MLXIPL: variants seen among roughly 807,000 people sequenced by gnomAD.
The protein encoded by MLXIPL is MLX interacting protein like, also known as carbohydrate-responsive element-binding protein.
MLXIPL carries 49 observed loss-of-function variants against 81.5 expected under a neutral mutation model. That is an observed-to-expected ratio of 0.60 (90% CI 0.48 to 0.76). The LOEUF is 0.76. Among genes scored for constraint, MLXIPL ranks in the 30% least tolerant of loss-of-function variants. The pLI is 0.00. For missense variants in MLXIPL, 1,053 were observed against 1,167.0 expected, an observed-to-expected ratio of 0.90 and a Z score of 1.42; for synonymous variants, 466 against 485.5, an observed-to-expected ratio of 0.96 and a Z score of 0.53.
At chr7:73,613,434 A>G (rs1795819931) in intron 2 of MLXIPL, among the ~76,000 whole-genome samples, 1 of 152,030 alleles carries the variant, frequency 6.6e-6, no homozygotes, top group African/African-American at 2.4e-5. Context: ...CCCCGTCTCT[A>G]CTAAAAATAC....
At chr7:73,635,115 T>G in the MLXIPL span, among the ~76,000 whole-genome samples, 2 of 152,128 alleles carry the variant, frequency 1.3e-5, no homozygotes, top group African/African-American at 4.8e-5. Flanking sequence ...CGTAAGCCAC[T>G]GTGCCTGGCC....
chr7:73,640,776 CAAA>C, the MLXIPL span, among the ~76,000 whole-genome samples: 6 of 66,758 alleles, frequency 9.0e-5, no homozygotes, highest in Admixed American at 1.8e-4. Flanking sequence ...GACTCCATCT[CAAA>C]AAAAAAAAAA....
At chr7:73,628,426 AC>A (rs1796786389), upstream of MLXIPL, among the ~76,000 whole-genome samples, 1 of 152,138 alleles carries the variant, frequency 6.6e-6, no homozygotes, top group Non-Finnish European at 1.5e-5. Flanking sequence ...GAAAAGACAA[AC>A]CCTGACTGCA....
chr7:73,608,513 G>C (rs1795474949), intron 2 of MLXIPL, among the ~76,000 whole-genome samples: 1 of 152,084 alleles, frequency 6.6e-6, no homozygotes. Context: ...CTTGAACCTG[G>C]GAGGTGGAGG....
Position 73,606,979 on chromosome 7 carries a change from T to C in MLXIPL, c.613A>G (p.Lys205Glu). Reference protein sequence around the residue: ...PSREDDLLAPKQAEGRWPPPE... With the variant: ...PSREDDLLAPEQAEGRWPPPE... ...TGGACTTACAGAGCACCCACCTGCT[T>C]AGGGGCCAGGAGGTCATCTTCCCTG... Residue 205 changes from lysine to glutamate, a missense_variant, in exon 5 of 17, where the codon AAG becomes GAG. Coordinates refer to ENST00000313375, the MANE Select transcript of MLXIPL (RefSeq NM_032951.3). 2 of 1,613,726 alleles carry C rather than the reference T, an allele frequency of 1.2e-6. No homozygotes were observed. Among genetic ancestry groups the C allele is most frequent in the Non-Finnish European group, 1.7e-6 (2 of 1,179,886 alleles).
the MLXIPL span, among the ~76,000 whole-genome samples, chr7:73,631,838 T>C: frequency 1.3e-5 from 2 of 149,318 alleles, no homozygotes; most frequent in African/African-American, 4.9e-5. Flanking sequence ...TCTTGTCTTG[T>C]CTTTTTTCTT....
At chr7:73,626,243 G>A (rs190090938), upstream of MLXIPL, among the ~76,000 whole-genome samples, 9 of 152,004 alleles carry the variant, frequency 5.9e-5, no homozygotes, top group East Asian at 9.7e-4. Flanking sequence ...ACCTTAAAGC[G>A]ATTTGCCCAC....
At chr7:73,647,857 G>A in the MLXIPL span, among the ~76,000 whole-genome samples, 1 of 150,642 alleles carries the variant, frequency 6.6e-6, no homozygotes, top group Non-Finnish European at 1.5e-5. Context: ...GGATGCTTGG[G>A]ACCGCCGGAC....
rs372431557 is a variant in MLXIPL at position 73,596,470 on chromosome 7, C to G, written c.1832G>C (p.Arg611Pro). 1.2e-6 allele frequency: 2 copies of G among 1,612,920 alleles called. No homozygotes were observed. Among genetic ancestry groups the G allele is most frequent in the Non-Finnish European group, 1.7e-6 (2 of 1,179,990 alleles). ...LSPPAPSGSE[R>P]RLSGDLSSMP... ...GGAGCTGAGGTCCCCTGACAGCCGC[C>G]GTTCACTGCCTGTGGTAGGGACAGA... is the stretch of plus-strand genomic sequence containing the variant. Residue 611 changes from arginine to proline, a missense_variant, in exon 12 of 17, where the codon CGG (arginine) becomes CCG (proline). Arg to Pro is a moderately radical substitution (Grantham distance 103, BLOSUM62 -2). Coordinates refer to ENST00000313375, the MANE Select transcript of MLXIPL (RefSeq NM_032951.3). This position sits in a 1 kb window ranked among gnomAD's most constrained non-coding sequence, Gnocchi z 4.7.
chr7:73,602,167 T>TTCCTTCCTTCCTTCCTTCCTTCCTTC (rs1554596522), intron 7 of MLXIPL, among the ~76,000 whole-genome samples: 3 of 22,778 alleles, frequency 1.3e-4, no homozygotes, highest in South Asian at 4.4e-3. Context: ...TTCCTTCCTT[T>TTCCTTCCTTCCTTCCTTCCTTCCTTC]CTTTCCCTCT....
chr7:73,636,565 C>G, the MLXIPL span, among the ~76,000 whole-genome samples: 1 of 152,130 alleles, frequency 6.6e-6, no homozygotes, highest in African/African-American at 2.4e-5. Flanking sequence ...CAGCAGCCTA[C>G]ATAGCTGCCA....
intron 4 of MLXIPL, 143 bp downstream of exon 4, chr7:73,607,188 C>T: frequency 7.2e-6 from 9 of 1,251,486 alleles, no homozygotes; most frequent in Non-Finnish European, 9.1e-6. Context: ...CACGGTGGCG[C>T]TGTCGGCCCG....
In MLXIPL at chr7:73,596,025, C is replaced by T; in HGVS notation, c.2059-56G>A. ...GTGCTAGAGGCTGTACCCTGGGACC[C>T]ACTGAGGCACTGGGATGGGAGGAGG... On this transcript the variant is annotated intron_variant, in intron 13 of 16. Coordinates refer to ENST00000313375, the MANE Select transcript of MLXIPL (RefSeq NM_032951.3). The surrounding 1 kb of genome is among the most constrained non-coding windows in gnomAD (Gnocchi z 4.7). The T allele has an allele frequency of 6.2e-7, 1 of 1,606,862 alleles. No homozygotes were observed.
rs1229945130 is a variant in MLXIPL, at chr7:73,596,482, G to A, written c.1823-3C>T. The A allele has an allele frequency of 6.2e-7, 1 of 1,612,788 alleles. No homozygotes were observed. The highest frequency in any genetic ancestry group is 8.5e-7 in the Non-Finnish European group (1 of 1,179,936). ...CCCTGACAGCCGCCGTTCACTGCCTGTGGTAGGGACAGACAGACCCACAGA... is the reference window on the plus strand; with the variant it reads ...CCCTGACAGCCGCCGTTCACTGCCTATGGTAGGGACAGACAGACCCACAGA... On this transcript the variant is annotated splice_polypyrimidine_tract_variant and splice_region_variant and intron_variant, in intron 11 of 16. Transcript: ENST00000313375. The surrounding 1 kb of genome is among the most constrained non-coding windows in gnomAD (Gnocchi z 4.7).
At chr7:73,640,294 T>C in the MLXIPL span, among the ~76,000 whole-genome samples, 1 of 150,160 alleles carries the variant, frequency 6.7e-6, no homozygotes, top group East Asian at 2.0e-4. Context: ...AGTCCCAGCT[T>C]CTTGGGGTGC....
In MLXIPL at chr7:73,624,359, T is replaced by C. The variant is rs782696562; in HGVS notation, c.134A>G (p.Gln45Arg). The change falls in exon 1 of 17, where the codon CAG becomes CGG. Residue 45 changes from glutamine to arginine, a missense_variant. Gln to Arg is a conservative substitution (Grantham distance 43, BLOSUM62 1). Around this residue, in one of 3 missense-constraint regions of MLXIPL, gnomAD observed 226 missense variants for 216.2 expected, o/e 1.05. Transcript: ENST00000313375. ...CATGAAGTGACCGCTGTGGATGACC[T>C]GCGAGCGGAGCAAGCCGCCCGCGCT... ...RRSAGGLLRSQVIHSGHFMVS... is the reference protein window; with the variant it reads ...RRSAGGLLRSRVIHSGHFMVS... 9 of 1,582,590 alleles carry C rather than the reference T, an allele frequency of 5.7e-6. No homozygotes were observed. The South Asian group carries it at 6.8e-5, about 12-fold the overall frequency.
chr7:73,597,860 AAC>A, intron 8 of MLXIPL, 147 bp from the exon 9 acceptor site: 1 of 448,818 alleles, frequency 2.2e-6, no homozygotes, highest in Non-Finnish European at 3.7e-6. Flanking sequence ...CCTGCCTTCC[AAC>A]ACACACAGGT....
At position 73,597,552 on chromosome 7, in the gene MLXIPL, G is replaced by C. The variant is rs1188051296; in HGVS notation, c.1233C>G (p.Pro411=). The C allele has an allele frequency of 1.5e-6, 2 of 1,368,612 alleles. No homozygotes were observed. The highest frequency in any genetic ancestry group is 3.0e-5 in the African/African-American group (2 of 67,128). The allele number at this position is 1,368,612 out of a possible 1,614,324, so 84.8% of individuals were successfully genotyped here. Residue 411 remains proline, a synonymous_variant, in exon 9 of 17, where the codon CCC becomes CCG. Coordinates refer to ENST00000313375, the MANE Select transcript of MLXIPL (RefSeq NM_032951.3). The part of the protein sequence containing the change: ...PAKVPGLEPC[P]PPPFPPMAPP... ...GTGCCATGGGAGGGAAGGGAGGTGG[G>C]GGGCAGGGCTCCAGGCCTGGCACCT...
In MLXIPL at chr7:73,624,445, C is replaced by T. The variant is rs535152791; in HGVS notation, c.48G>A (p.Arg16=). ...AGLAAGLQVP[R]VAPSPDSDSD... Reference sequence around the variant, plus strand: ...AGTCCGAGTCTGGGCTGGGCGCGACCCGCGGGACCTGCAAGCCCGCGGCCA... The same window carrying T: ...AGTCCGAGTCTGGGCTGGGCGCGACTCGCGGGACCTGCAAGCCCGCGGCCA... The change falls in exon 1 of 17, where the codon CGG becomes CGA. Residue 16 remains arginine, a synonymous_variant. Transcript: ENST00000313375. The T allele has an allele frequency of 1.8e-4, 279 of 1,554,372 alleles. No homozygotes were observed. Among genetic ancestry groups the T allele is most frequent in the Admixed American group, 1.4e-3 (73 of 53,714 alleles).
Sources: gnomAD v4.1 joint callset for allele counts (sites outside exome capture counted in the v4.1 genomes callset) on GRCh38, gnomAD v4.1.1 for gene constraint, gnomAD v4.1.1 regional missense constraint, Gnocchi (gnomAD v3.1) non-coding constraint, MANE v1.5 for transcripts, NCBI Gene and HGNC (gene_info 2026-07-23, HGNC 2026-07-21) for gene names.